The following LAG3 variants were observed in gnomAD, a reference collection of about 807,000 sequenced individuals.
LAG3 encodes the protein lymphocyte activating 3.
LAG3 carries 29 observed loss-of-function variants against 49.0 expected under a neutral mutation model. That is an observed-to-expected ratio of 0.59 (90% CI 0.44 to 0.81). The LOEUF is 0.81. LAG3 is among the 30% of genes least tolerant of loss of function. The pLI is 0.00. For missense variants in LAG3, 693 were observed against 695.2 expected, an observed-to-expected ratio of 1.00 and a Z score of 0.04; for synonymous variants, 320 against 297.3, an observed-to-expected ratio of 1.08 and a Z score of -0.79.
In LAG3 at chr12:6,777,460, G is replaced by C. The variant is rs760058290; in HGVS notation, c.1254G>C (p.Glu418Asp). Residue 418 changes from glutamate (E) to aspartate (D), a missense_variant, in exon 6 of 8, where the codon GAG becomes GAC. Glu to Asp is a conservative substitution (Grantham distance 45). Transcript: ENST00000203629. ...QPWQCQLYQG[E>D]RLLGAAVYFT... ...GGCAATGCCAGCTGTACCAGGGGGA[G>C]AGGCTTCTTGGAGCAGCAGTGTACT... 92 of 1,614,200 alleles carry C rather than the reference G, an allele frequency of 5.7e-5. No homozygotes were observed. In the South Asian group the frequency reaches 9.8e-4, roughly 17 times the overall value.
Position 6,777,299 on chromosome 12 carries a change from G to C in LAG3, c.1093G>C (p.Gly365Arg). 1 of 1,614,118 alleles carries C rather than the reference G, an allele frequency of 6.2e-7. No individual in the cohort carries two copies. Among genetic ancestry groups the C allele is most frequent in the Non-Finnish European group, 8.5e-7 (1 of 1,180,026 alleles). The change falls in exon 6 of 8, where the codon GGG becomes CGG. Residue 365 changes from glycine (G) to arginine (R), a missense_variant. Coordinates refer to ENST00000203629, the MANE Select transcript of LAG3 (RefSeq NM_002286.6). ...PKSFGSPGSLGKLLCEVTPVS... is the reference protein window; with the variant it reads ...PKSFGSPGSLRKLLCEVTPVS... ...ATCCTTTGGGTCACCTGGATCCCTG[G>C]GGAAGCTGCTTTGTGAGGTGACTCC...
In LAG3 at chr12:6,774,606, C is replaced by T; in HGVS notation, c.523C>T (p.Pro175Ser). Reference sequence around the variant, plus strand: ...TTATCCTTGCACAGTGACTGCCAGCCCCCCAGGATCTCTCAGAGCCTCCGA... The same window carrying T: ...TTATCCTTGCACAGTGACTGCCAGCTCCCCAGGATCTCTCAGAGCCTCCGA... ...RLGQASMTAS[P>S]PGSLRASDWV... The change falls in exon 4 of 8, where the codon CCC (proline) becomes TCC (serine). Residue 175 changes from proline to serine, a missense_variant. By Grantham distance (74) the Pro-to-Ser change is moderately conservative (BLOSUM62 -1). Transcript: ENST00000203629. 1.9e-6 allele frequency: 3 copies of T among 1,613,610 alleles called. No homozygotes were observed. The highest frequency in any genetic ancestry group is 1.3e-5 in the African/African-American group (1 of 75,024).
rs1340797126 is a variant in LAG3 at position 6,775,297 on chromosome 12, C to G, written c.806C>G (p.Thr269Arg). ...GGTCTGGAGCCCCCAACTCCCTTGA[C>G]AGTGTACGCTGGAGCAGGTTCCAGG... ...VLGLEPPTPL[T>R]VYAGAGSRVG... Residue 269 changes from threonine to arginine, a missense_variant, in exon 5 of 8, where the codon ACA (threonine) becomes AGA (arginine). Transcript: ENST00000203629. The G allele has an allele frequency of 6.2e-7, 1 of 1,614,056 alleles. No homozygotes were observed. Among genetic ancestry groups the G allele is most frequent in the Non-Finnish European group, 8.5e-7 (1 of 1,180,030 alleles).
chr12:6,773,222 C>T lies in LAG3; in HGVS notation c.89C>T (p.Pro30Leu), dbSNP rs369567695. ...CCTCTCCAGCCAGGGGCTGAGGTCC[C>T]GGTGGTGTGGGCCCAGGAGGGGGCT... ...VKPLQPGAEVPVVWAQEGAPA... is the reference protein window; with the variant it reads ...VKPLQPGAEVLVVWAQEGAPA... The change falls in exon 2 of 8, where the codon CCG (proline) becomes CTG (leucine). Residue 30 changes from proline to leucine, a missense_variant. Transcript: ENST00000203629. This position sits in a 1 kb window ranked among gnomAD's most constrained non-coding sequence, Gnocchi z 5.5. The T allele has an allele frequency of 6.2e-6, 10 of 1,612,232 alleles. No individual in the cohort carries two copies. Among genetic ancestry groups the T allele is most frequent in the East Asian group, 2.2e-5 (1 of 44,850 alleles).
rs991312571 is a variant in LAG3, at chr12:6,773,658, C to T, written c.207-39C>T. 7.3e-6 allele frequency: 10 copies of T among 1,363,638 alleles called. No homozygotes were observed. The highest frequency in any genetic ancestry group is 3.5e-5 in the Admixed American group (1 of 28,170). 84.5% of individuals were successfully genotyped at this position (1,363,638 alleles called of 1,614,324 possible). On this transcript the variant is annotated intron_variant, in intron 2 of 7. Transcript: ENST00000203629. This position sits in a 1 kb window ranked among gnomAD's most constrained non-coding sequence, Gnocchi z 5.5. ...TGCCTGCATCCTCCCGGGCTTCCTA[C>T]CCCTGGAGCTTCTCAACTCCATTCT...
At chr12:6,774,114 C>T (rs1490996836) in intron 3 of LAG3, 113 bp downstream of exon 3, 1 of 1,322,270 alleles carries the variant, frequency 7.6e-7, no homozygotes, top group Non-Finnish European at 9.6e-7. Flanking sequence ...TGTCGGAGAG[C>T]TCCCAGAAGA....
chr12:6,772,534 C>G lies in LAG3; in HGVS notation c.-319C>G, dbSNP rs551224486. ...GGTGAAGGCCCAGAGACCAGCAGAA[C>G]GGCATCCCAGCCACGACGGCCACTT... On this transcript the variant is annotated 5_prime_UTR_variant, in exon 1 of 8. Transcript: ENST00000203629. 1 of 307,980 alleles carries G rather than the reference C, an allele frequency of 3.2e-6. No individual in the cohort carries two copies. Among genetic ancestry groups the G allele is most frequent in the African/African-American group, 2.2e-5 (1 of 46,152 alleles). 19.1% of individuals were successfully genotyped at this position (307,980 alleles called of 1,614,324 possible). A position where few individuals can be genotyped will look rare whatever the true frequency, so the allele number is the denominator to read the frequency against.
chr12:6,777,296 C>T lies in LAG3; in HGVS notation c.1090C>T (p.Leu364=). ...TPKSFGSPGS[L]GKLLCEVTPV... ...CAAATCCTTTGGGTCACCTGGATCC[C>T]TGGGGAAGCTGCTTTGTGAGGTGAC... Residue 364 remains leucine (L), a synonymous_variant, in exon 6 of 8, where the codon CTG becomes TTG. Transcript: ENST00000203629. The T allele has an allele frequency of 6.2e-7, 1 of 1,614,184 alleles. No homozygotes were observed. Among genetic ancestry groups the T allele is most frequent in the Non-Finnish European group, 8.5e-7 (1 of 1,180,026 alleles).
In LAG3 at chr12:6,772,637, C is replaced by A; in HGVS notation, c.-216C>A. The A allele has an allele frequency of 2.0e-6, 1 of 492,802 alleles. No homozygotes were observed. The allele number at this position is 492,802 out of a possible 1,614,324, so 30.5% of individuals were successfully genotyped here. On this transcript the variant is annotated 5_prime_UTR_variant, in exon 1 of 8. The change creates a new upstream start codon in the 5' untranslated region. Transcript: ENST00000203629. ...CCCCCACCTCCTCAGGCTGCCTGAT[C>A]TGCCCAGCTTTCCAGCTTTCCTCTG...
chr12:6,777,933 AC>A lies in LAG3; in HGVS notation c.1431+13del, dbSNP rs1446442198. ...TTTGGAGAAGACAGGTGAGCCAGGG[AC>A]ATGGCAACCCCGCCCCCCAGCAGCT... is the stretch of plus-strand genomic sequence containing the variant. On this transcript the variant is annotated intron_variant, in intron 7 of 7. Transcript: ENST00000203629. The A allele has an allele frequency of 1.2e-6, 2 of 1,612,648 alleles. No homozygotes were observed. Among genetic ancestry groups the A allele is most frequent in the Admixed American group, 1.7e-5 (1 of 59,540 alleles).
At position 6,778,277 on chromosome 12, in the gene LAG3, G is replaced by C. The variant is rs962576685; in HGVS notation, c.1465G>C (p.Gly489Arg). 6.2e-7 allele frequency: 1 copy of C among 1,611,592 alleles called. No individual in the cohort carries two copies. Among genetic ancestry groups the C allele is most frequent in the Non-Finnish European group, 8.5e-7 (1 of 1,178,822 alleles). Residue 489 changes from glycine to arginine, a missense_variant, in exon 8 of 8, where the codon GGG becomes CGG. Coordinates refer to ENST00000203629, the MANE Select transcript of LAG3 (RefSeq NM_002286.6). ...AAGACGATTTTCTGCCTTAGAGCAA[G>C]GGATTCACCCTCCGCAGGCTCAGAG... ...RPRRFSALEQ[G>R]IHPPQAQSKI...
In LAG3 at chr12:6,773,652, T is replaced by A; in HGVS notation, c.207-45T>A. The A allele has an allele frequency of 5.9e-6, 8 of 1,357,852 alleles. No homozygotes were observed. The highest frequency in any genetic ancestry group is 3.7e-5 in the Admixed American group (1 of 27,054). The allele number at this position is 1,357,852 out of a possible 1,614,324, so 84.1% of individuals were successfully genotyped here. Reference sequence around the variant, plus strand: ...GGTGGCTGCCTGCATCCTCCCGGGCTTCCTACCCCTGGAGCTTCTCAACTC... The same window carrying A: ...GGTGGCTGCCTGCATCCTCCCGGGCATCCTACCCCTGGAGCTTCTCAACTC... On this transcript the variant is annotated intron_variant, in intron 2 of 7. Transcript: ENST00000203629. The surrounding 1 kb of genome is among the most constrained non-coding windows in gnomAD (Gnocchi z 5.5).
chr12:6,772,708 T>C lies in LAG3; in HGVS notation c.-145T>C. Reference sequence around the variant, plus strand: ...CCTCCCCACCCTCTCTCCAAGGCCCTCTCCTGGTCTCCCTTCTTCTAGAAC... The same window carrying C: ...CCTCCCCACCCTCTCTCCAAGGCCCCCTCCTGGTCTCCCTTCTTCTAGAAC... On this transcript the variant is annotated 5_prime_UTR_variant, in exon 1 of 8. Coordinates refer to ENST00000203629, the MANE Select transcript of LAG3 (RefSeq NM_002286.6). 3.9e-6 allele frequency: 2 copies of C among 516,214 alleles called. No homozygotes were observed. The highest frequency in any genetic ancestry group is 6.8e-6 in the Non-Finnish European group (2 of 292,972). 32.0% of individuals were successfully genotyped at this position (516,214 alleles called of 1,614,324 possible). A position where few individuals can be genotyped will look rare whatever the true frequency, so the allele number is the denominator to read the frequency against.
Position 6,773,158 on chromosome 12 carries a change from C to A in LAG3, c.59-34C>A, listed in dbSNP as rs373335515. The A allele has an allele frequency of 1.3e-5, 20 of 1,587,124 alleles. No homozygotes were observed. In the African/African-American group the frequency reaches 2.3e-4, roughly 18 times the overall value. ...CTCTACCCCTGCCTCTCGGCTCACG[C>A]CCCCTCCCCTTGGCCTCTCTTTTGC... On this transcript the variant is annotated intron_variant, in intron 1 of 7. Coordinates refer to ENST00000203629, the MANE Select transcript of LAG3 (RefSeq NM_002286.6). This position sits in a 1 kb window ranked among gnomAD's most constrained non-coding sequence, Gnocchi z 5.5.
rs775432587 is a variant in LAG3, at chr12:6,778,366, C to G, written c.1554C>G (p.Pro518=). ...CGGAGCCGGAACCGGAGCCCGAGCC[C>G]GAGCCCGAGCCGGAGCAGCTCTGAC... ...PEPEPEPEPE[P]EPEPEQL is the part of the protein sequence containing the mutation. Residue 518 remains proline (P), a synonymous_variant, in exon 8 of 8, where the codon CCC becomes CCG. Coordinates refer to ENST00000203629, the MANE Select transcript of LAG3 (RefSeq NM_002286.6). 1.1e-5 allele frequency: 18 copies of G among 1,611,526 alleles called. No individual in the cohort carries two copies. In the Middle Eastern group the frequency reaches 1.2e-3, roughly 103 times the overall value.
In LAG3 at chr12:6,772,586, C is replaced by G. The variant is rs1322113749; in HGVS notation, c.-267C>G. The G allele has an allele frequency of 4.0e-6, 2 of 496,344 alleles. No individual in the cohort carries two copies. Among genetic ancestry groups the G allele is most frequent in the African/African-American group, 3.9e-5 (2 of 51,336 alleles). 30.7% of individuals were successfully genotyped at this position (496,344 alleles called of 1,614,324 possible). On this transcript the variant is annotated 5_prime_UTR_variant, in exon 1 of 8. Transcript: ENST00000203629. ...GCTCTGTCTGCTCTCCGCCACGGCC[C>G]TGCTCTGTTCCCTGGGACACCCCCG...
chr12:6,778,289 C>G lies in LAG3; in HGVS notation c.1477C>G (p.Pro493Ala). The change falls in exon 8 of 8, where the codon CCG becomes GCG. Residue 493 changes from proline to alanine, a missense_variant. By Grantham distance (27) the Pro-to-Ala change is conservative. Coordinates refer to ENST00000203629, the MANE Select transcript of LAG3 (RefSeq NM_002286.6). ...TGCCTTAGAGCAAGGGATTCACCCT[C>G]CGCAGGCTCAGAGCAAGATAGAGGA... ...FSALEQGIHPPQAQSKIEELE... is the reference protein window; with the variant it reads ...FSALEQGIHPAQAQSKIEELE... 1 of 1,613,148 alleles carries G rather than the reference C, an allele frequency of 6.2e-7. No homozygotes were observed. The highest frequency in any genetic ancestry group is 8.5e-7 in the Non-Finnish European group (1 of 1,179,520).
At chr12:6,774,504 G>A in intron 3 of LAG3, 91 bp from the exon 4 acceptor site, 1 of 1,421,018 alleles carries the variant, frequency 7.0e-7, no homozygotes. Context: ...AAAGCCAGGT[G>A]CCTGTTTCCA....
chr12:6,773,158 C>T lies in LAG3; in HGVS notation c.59-34C>T, dbSNP rs373335515. ...CTCTACCCCTGCCTCTCGGCTCACGCCCCCTCCCCTTGGCCTCTCTTTTGC... is the reference window on the plus strand; with the variant it reads ...CTCTACCCCTGCCTCTCGGCTCACGTCCCCTCCCCTTGGCCTCTCTTTTGC... On this transcript the variant is annotated intron_variant, in intron 1 of 7. Coordinates refer to ENST00000203629, the MANE Select transcript of LAG3 (RefSeq NM_002286.6). The surrounding 1 kb of genome is among the most constrained non-coding windows in gnomAD (Gnocchi z 5.5). The T allele has an allele frequency of 6.3e-7, 1 of 1,587,242 alleles. No individual in the cohort carries two copies. The highest frequency in any genetic ancestry group is 8.6e-7 in the Non-Finnish European group (1 of 1,168,780).
Sources: gnomAD v4.1 joint callset for allele counts on GRCh38, gnomAD v4.1.1 for gene constraint, Gnocchi (gnomAD v3.1) non-coding constraint, MANE v1.5 for transcripts, NCBI Gene and HGNC (gene_info 2026-07-23, HGNC 2026-07-21) for gene names.